Variants in MEI4 observed in about 807,000 individuals in gnomAD.
MEI4 encodes meiosis-specific protein MEI4.
MEI4 carries 27 observed loss-of-function variants against 31.4 expected under a neutral mutation model. That is an observed-to-expected ratio of 0.86 (90% CI 0.63 to 1.19). The LOEUF (loss-of-function observed/expected upper bound fraction) is 1.19, where lower values mean the gene tolerates loss of function less well. Among genes scored for constraint, MEI4 ranks in the 50% most tolerant of loss-of-function variants. The pLI is 0.00. For missense variants in MEI4, 329 were observed against 398.9 expected, an observed-to-expected ratio of 0.82 and a Z score of 1.49; for synonymous variants, 122 against 145.4, an observed-to-expected ratio of 0.84 and a Z score of 1.16.
At chr6:77,811,690 G>A (rs181944202) in intron 3 of MEI4, among the ~76,000 whole-genome samples, 18 of 151,458 alleles carry the variant, frequency 1.2e-4, no homozygotes, top group African/African-American at 4.4e-4. Context: ...CAGGAGAATC[G>A]CTTGAACCTG....
At chr6:77,921,686 A>C (rs986746063) in intron 4 of MEI4, among the ~76,000 whole-genome samples, 9 of 151,810 alleles carry the variant, frequency 5.9e-5, no homozygotes, top group Non-Finnish European at 1.2e-4. Flanking sequence ...TCACTTGAAC[A>C]CTTAGAGGCC....
rs190331529 is a variant in MEI4 at position 77,789,378 on chromosome 6, T to C, written c.768+27713T>C. On this transcript the variant is annotated intron_variant, in intron 3 of 4. Transcript: ENST00000684080. ...TTCATGTCTATAACACCAAAAGCAA[T>C]GACAACAAAAGCCAAAATTTACAAA... 1.8e-3 allele frequency among the ~76,000 whole-genome samples: 281 copies of C among 152,212 alleles called. 2 individuals are homozygous for C. Among genetic ancestry groups the C allele is most frequent in the African/African-American group, 6.5e-3 (270 of 41,546 alleles).
chr6:77,797,523 G>A (rs573543951), intron 3 of MEI4, among the ~76,000 whole-genome samples: 1 of 152,130 alleles, frequency 6.6e-6, no homozygotes, highest in African/African-American at 2.4e-5. Context: ...GACTCAGTGT[G>A]AGTCTAAAAG....
chr6:77,844,523 T>C (rs771539200), intron 4 of MEI4, among the ~76,000 whole-genome samples: 2 of 152,172 alleles, frequency 1.3e-5, no homozygotes, highest in African/African-American at 2.4e-5. Context: ...GCTCTTGAAA[T>C]TTCTGCATAT....
chr6:77,746,636 GGCGTGTGT>G (rs142384968), intron 2 of MEI4, among the ~76,000 whole-genome samples: 20,684 of 115,104 alleles, frequency 0.18, 1,526 homozygotes, highest in East Asian at 0.33. Flanking sequence ...TAAAATATAT[GGCGTGTGT>G]GTGTGTGTGT....
chr6:77,923,533 T>C lies in MEI4; in HGVS notation c.*187T>C. The C allele has an allele frequency of 2.1e-6, 1 of 475,592 alleles. No homozygotes were observed. The highest frequency in any genetic ancestry group is 1.1e-4 in the South Asian group (1 of 8,916). 29.5% of individuals were successfully genotyped at this position (475,592 alleles called of 1,614,324 possible). On this transcript the variant is annotated 3_prime_UTR_variant, in exon 5 of 5. Coordinates refer to ENST00000684080, the MANE Select transcript of MEI4 (RefSeq NM_001322247.2). Reference sequence around the variant, plus strand: ...AATTTTATGAGTCATATTTCTATACTAAAATCAGCCAGTTTCGGTTGGTAA... The same window carrying C: ...AATTTTATGAGTCATATTTCTATACCAAAATCAGCCAGTTTCGGTTGGTAA...
Position 77,761,250 on chromosome 6 carries a change from C to G in MEI4, c.353C>G (p.Ser118Cys). The G allele has an allele frequency of 8.1e-7, 1 of 1,232,578 alleles. No individual in the cohort carries two copies. The highest frequency in any genetic ancestry group is 1.5e-5 in the African/African-American group (1 of 64,530). 76.4% of individuals were successfully genotyped at this position (1,232,578 alleles called of 1,614,324 possible). ...NEQRTESSDL[S>C]QHFVESCTPT... ...CAGAGAACTGAATCCTCAGACCTGT[C>G]CCAGCACTTTGTGGAAAGCTGTACC... The change falls in exon 3 of 5, where the codon TCC (serine) becomes TGC (cysteine). Residue 118 changes from serine (S) to cysteine (C), a missense_variant. Ser to Cys is a moderately radical substitution (Grantham distance 112). Transcript: ENST00000684080.
intron 3 of MEI4, among the ~76,000 whole-genome samples, chr6:77,790,916 C>T (rs890482207): frequency 2.4e-4 from 36 of 152,178 alleles, no homozygotes; most frequent in African/African-American, 7.9e-4. Flanking sequence ...ATGCAGCCAA[C>T]GGACACATGA....
rs550704413 is a variant in MEI4 at position 77,866,802 on chromosome 6, C to T, written c.900+37740C>T. On this transcript the variant is annotated intron_variant, in intron 4 of 4. Coordinates refer to ENST00000684080, the MANE Select transcript of MEI4 (RefSeq NM_001322247.2). ...CAAAAGAACAAAGCTGGAGGCATCA[C>T]GCTACCTGACTTCAAACTTATACTA... Among the ~76,000 whole-genome samples, 29 of 152,286 alleles carry T rather than the reference C, an allele frequency of 1.9e-4. No individual in the cohort carries two copies. The East Asian group carries it at 2.5e-3, about 13-fold the overall frequency.
chr6:77,869,868 G>A (rs925412026), intron 4 of MEI4, among the ~76,000 whole-genome samples: 5 of 152,156 alleles, frequency 3.3e-5, no homozygotes, highest in Non-Finnish European at 7.3e-5. Flanking sequence ...GAATACGAGA[G>A]TGGCTGATTG....
chr6:77,864,578 A>T (rs1427774307), intron 4 of MEI4, among the ~76,000 whole-genome samples: 1 of 152,204 alleles, frequency 6.6e-6, no homozygotes, highest in Non-Finnish European at 1.5e-5. Flanking sequence ...CAGATGCATA[A>T]AGCAAGTCCT....
intron 4 of MEI4, among the ~76,000 whole-genome samples, chr6:77,837,940 A>G (rs1411197633): frequency 6.6e-6 from 1 of 152,180 alleles, no homozygotes; most frequent in Non-Finnish European, 1.5e-5. Context: ...GCCTCAGTTT[A>G]TCTCTTCTTA....
At chr6:77,827,474 A>G (rs567259104) in intron 3 of MEI4, among the ~76,000 whole-genome samples, 1 of 151,704 alleles carries the variant, frequency 6.6e-6, no homozygotes, top group East Asian at 1.9e-4. Flanking sequence ...AACAAAATGC[A>G]TGCCCTGTAC....
At chr6:77,767,640 T>G (rs1373532284) in intron 3 of MEI4, among the ~76,000 whole-genome samples, 3 of 151,564 alleles carry the variant, frequency 2.0e-5, no homozygotes, top group African/African-American at 7.3e-5. Context: ...GAGATTGCAG[T>G]GAGAACAGAT....
At chr6:77,857,109 T>A (rs1770764869) in intron 4 of MEI4, among the ~76,000 whole-genome samples, 1 of 152,130 alleles carries the variant, frequency 6.6e-6, no homozygotes, top group Non-Finnish European at 1.5e-5. Context: ...CAGTTTTTTT[T>A]AGAGAGGGTT....
chr6:77,747,787 C>T (rs1767654725), intron 2 of MEI4, among the ~76,000 whole-genome samples: 1 of 152,146 alleles, frequency 6.6e-6, no homozygotes, highest in Admixed American at 6.5e-5. Flanking sequence ...ATTCACAGTC[C>T]AAAGTCTCAT....
At chr6:77,751,701 G>C (rs771869549) in intron 2 of MEI4, among the ~76,000 whole-genome samples, 58 of 152,152 alleles carry the variant, frequency 3.8e-4, no homozygotes, top group Admixed American at 9.2e-4. Context: ...AAAGGAGCTG[G>C]TACCATTCCT....
intron 2 of MEI4, among the ~76,000 whole-genome samples, chr6:77,740,959 C>T (rs1582086454): frequency 6.6e-6 from 1 of 152,138 alleles, no homozygotes; most frequent in East Asian, 1.9e-4. Context: ...ACCCTTAAAA[C>T]AGGTTAATGA....
rs776927229 is a variant in MEI4, at chr6:77,859,770, G to A, written c.900+30708G>A. Among the ~76,000 whole-genome samples the A allele has an allele frequency of 4.9e-4, 75 of 152,176 alleles. 1 individual carries two copies. The highest frequency in any genetic ancestry group is 6.3e-4 in the Non-Finnish European group (43 of 67,994). Reference sequence around the variant, plus strand: ...CTTGATGTTTGCTTACTGATCTCACGTACTCACAAATGCATTTGAAATGCA... The same window carrying A: ...CTTGATGTTTGCTTACTGATCTCACATACTCACAAATGCATTTGAAATGCA... On this transcript the variant is annotated intron_variant, in intron 4 of 4. Transcript: ENST00000684080.
Sources: gnomAD v4.1 joint callset for allele counts (sites outside exome capture counted in the v4.1 genomes callset) on GRCh38, gnomAD v4.1.1 for gene constraint, MANE v1.5 for transcripts, NCBI Gene and HGNC (gene_info 2026-07-23, HGNC 2026-07-21) for gene names.